Variants in PRR5 observed in about 807,000 individuals in gnomAD.
PRR5 encodes the protein proline-rich protein 5.
PRR5 carries 25 observed loss-of-function variants against 30.6 expected under a neutral mutation model. The ratio of observed to expected loss-of-function variants is 0.82; its 90% CI spans 0.60 to 1.14. PRR5 has a LOEUF of 1.14. Ranked by LOEUF, PRR5 falls within the 50% of genes most tolerant of loss-of-function variation. The probability of loss-of-function intolerance (pLI) is 0.00; values close to 1 mark genes in which losing one functional copy is unlikely to be tolerated. For missense variants in PRR5, 600 were observed against 547.1 expected (o/e 1.10, Z -0.96); for synonymous variants, 286 against 247.1 (o/e 1.16, Z -1.48).
intron 2 of PRR5, among the ~76,000 whole-genome samples, chr22:44,721,509 G>C (rs959097389): frequency 6.6e-5 from 10 of 152,210 alleles, no homozygotes; most frequent in African/African-American, 2.4e-4. Context: ...AACCAATTGT[G>C]GTAGGGGACG....
chr22:44,706,318 G>T (rs1333881635), intron 1 of PRR5, among the ~76,000 whole-genome samples: 1 of 152,180 alleles, frequency 6.6e-6, no homozygotes, highest in Non-Finnish European at 1.5e-5. Context: ...GCACTGGGCT[G>T]CTCAGGGCAT....
intron 1 of PRR5, among the ~76,000 whole-genome samples, chr22:44,713,285 C>T (rs569988776): frequency 5.3e-4 from 81 of 152,260 alleles, no homozygotes; most frequent in African/African-American, 1.8e-3. Context: ...GGAAGGGGTA[C>T]GGGGAGAGCT....
At chr22:44,732,902 C>T (rs962743457) in intron 6 of PRR5, among the ~76,000 whole-genome samples, 25 of 148,526 alleles carry the variant, frequency 1.7e-4, no homozygotes, top group African/African-American at 5.3e-4. Flanking sequence ...CACGTGCACA[C>T]GCATACACAC....
intron 4 of PRR5, chr22:44,730,397 G>C (rs1481116406): frequency 1.0e-6 from 1 of 985,322 alleles, no homozygotes; most frequent in East Asian, 1.1e-4. Context: ...TGCATCCCTG[G>C]ACCCAGCAGC....
intron 7 of PRR5, among the ~76,000 whole-genome samples, chr22:44,735,417 A>C (rs960260495): frequency 6.6e-6 from 1 of 152,204 alleles, no homozygotes; most frequent in African/African-American, 2.4e-5. Flanking sequence ...CCAGGAGGCC[A>C]CATTCATGTG....
At chr22:44,732,486 G>A in intron 6 of PRR5, 95 bp downstream of exon 6, 1 of 1,492,760 alleles carries the variant, frequency 6.7e-7, no homozygotes, top group East Asian at 2.4e-5. Context: ...GGATTTAGGG[G>A]CACGAGACTT....
chr22:44,680,880 G>A (rs879777996), intron 1 of PRR5, among the ~76,000 whole-genome samples: 4 of 152,204 alleles, frequency 2.6e-5, no homozygotes, highest in Non-Finnish European at 5.9e-5. Flanking sequence ...CCTGGGGCAG[G>A]GCAGGGCAGA....
chr22:44,718,156 G>A lies in PRR5; in HGVS notation c.215+3485G>A, dbSNP rs566093775. On this transcript the variant is annotated intron_variant, in intron 2 of 7. Transcript: ENST00000336985. ...GAATAACGCTGCTGTGAACATCTGT[G>A]TGCAAGAATTTGTGTGGATGCACGT... Among the ~76,000 whole-genome samples the A allele has an allele frequency of 2.0e-5, 3 of 149,138 alleles. No homozygotes were observed. The East Asian group carries it at 5.9e-4, about 29-fold the overall frequency.
intron 2 of PRR5, among the ~76,000 whole-genome samples, chr22:44,717,985 G>T (rs953087617): frequency 2.6e-5 from 4 of 152,116 alleles, no homozygotes; most frequent in African/African-American, 9.7e-5. Flanking sequence ...AGAGTGCTGG[G>T]ATTACAGGCG....
At chr22:44,690,772 C>T (rs1255042713) in intron 1 of PRR5, among the ~76,000 whole-genome samples, 1 of 152,138 alleles carries the variant, frequency 6.6e-6, no homozygotes, top group African/African-American at 2.4e-5. Context: ...GCAGGGCACC[C>T]CAGGCAGAGG....
chr22:44,676,514 G>A (rs1472362319), upstream of PRR5, among the ~76,000 whole-genome samples: 4 of 152,050 alleles, frequency 2.6e-5, no homozygotes, highest in Non-Finnish European at 5.9e-5. Context: ...CAGAAATGGA[G>A]GATCCAGGAA....
chr22:44,706,683 G>A (rs562646064), intron 1 of PRR5, among the ~76,000 whole-genome samples: 54 of 152,106 alleles, frequency 3.6e-4, no homozygotes, highest in South Asian at 1.3e-3. Context: ...CCATCACACC[G>A]GCTAATTTTT....
chr22:44,690,067 A>G (rs2146965912), intron 1 of PRR5, among the ~76,000 whole-genome samples: 1 of 152,250 alleles, frequency 6.6e-6, no homozygotes, highest in East Asian at 1.9e-4. Flanking sequence ...GACTGAGCTT[A>G]CAGAGGAGGG....
Position 44,734,772 on chromosome 22 carries a change from CAG to C in PRR5, c.556-254_556-253del, listed in dbSNP as rs1215766189. ...GCAGAACACCCATCTCATCTGGCCA[CAG>C]GGCCTTTTTCCAGGGCACACCATGG... On this transcript the variant is annotated intron_variant, in intron 6 of 7. Transcript: ENST00000336985. 7.1e-6 allele frequency: 4 copies of C among 566,364 alleles called. No homozygotes were observed. The Admixed American group carries it at 9.5e-5, about 13-fold the overall frequency. 35.1% of individuals were successfully genotyped at this position (566,364 alleles called of 1,614,324 possible).
At chr22:44,687,937 G>C (rs569221018) in intron 1 of PRR5, among the ~76,000 whole-genome samples, 1 of 152,024 alleles carries the variant, frequency 6.6e-6, no homozygotes, top group East Asian at 2.0e-4. Context: ...ACCACACCTG[G>C]CTAATTTTTG....
At chr22:44,707,420 G>A (rs1001708795) in intron 1 of PRR5, among the ~76,000 whole-genome samples, 8 of 152,160 alleles carry the variant, frequency 5.3e-5, no homozygotes, top group African/African-American at 1.4e-4. Context: ...TGGAGGCTCC[G>A]GCAGGGTCAG....
intron 4 of PRR5, among the ~76,000 whole-genome samples, chr22:44,727,103 A>G (rs1256228846): frequency 7.1e-6 from 1 of 140,408 alleles, no homozygotes; most frequent in Non-Finnish European, 1.5e-5. Flanking sequence ...ATTGTTCCTG[A>G]GTGGGAGAGT....
chr22:44,714,052 C>G (rs1488072675), intron 1 of PRR5, among the ~76,000 whole-genome samples: 1 of 152,206 alleles, frequency 6.6e-6, no homozygotes, highest in East Asian at 1.9e-4. Flanking sequence ...GTCCACCCAC[C>G]TTGGCCTCCC....
intron 6 of PRR5, among the ~76,000 whole-genome samples, chr22:44,732,987 CAT>C (rs1488877811): frequency 2.7e-5 from 4 of 148,702 alleles, no homozygotes; most frequent in Non-Finnish European, 6.0e-5. Flanking sequence ...TACACACATA[CAT>C]GTGCGCGCAC....
Sources: allele counts gnomAD v4.1 joint callset (sites outside exome capture counted in the v4.1 genomes callset), GRCh38; gene constraint gnomAD v4.1.1; transcripts MANE v1.5; gene names NCBI Gene and HGNC (gene_info 2026-07-23, HGNC 2026-07-21).